The following METTL5 variants were observed in gnomAD, a reference collection of about 807,000 sequenced individuals.
METTL5 encodes the protein methyltransferase 5, N6-adenosine.
A neutral mutation model predicts 26.5 loss-of-function variants in METTL5; 28 were observed. The observed-to-expected ratio is 1.06, with a 90% CI of 0.78 to 1.45. The LOEUF (loss-of-function observed/expected upper bound fraction) is 1.45, where lower values mean the gene tolerates loss of function less well. METTL5 is among the 40% of genes most tolerant of loss of function. The probability of loss-of-function intolerance (pLI) is 0.00; values close to 1 mark genes in which losing one functional copy is unlikely to be tolerated. For missense variants in METTL5, 231 were observed against 249.9 expected, an observed-to-expected ratio of 0.92 and a Z score of 0.51; for synonymous variants, 86 against 82.6, an observed-to-expected ratio of 1.04 and a Z score of -0.22.
chr2:169,812,827 C>G, intron 5 of METTL5: 1 of 193,022 alleles, frequency 5.2e-6, no homozygotes, highest in Non-Finnish European at 1.0e-5. Flanking sequence ...TAGTCTATAG[C>G]TAACTTAATC....
chr2:169,815,747 T>C (rs1433206234), intron 4 of METTL5, among the ~76,000 whole-genome samples: 2 of 152,324 alleles, frequency 1.3e-5, no homozygotes, highest in South Asian at 4.1e-4. Context: ...ATCCAAGTGA[T>C]AGAAAGCTAC....
chr2:169,822,909 C>A (rs1437706860), intron 1 of METTL5, among the ~76,000 whole-genome samples: 1 of 152,188 alleles, frequency 6.6e-6, no homozygotes, highest in Non-Finnish European at 1.5e-5. Flanking sequence ...ATGAATACCA[C>A]CACCACCGAT....
chr2:169,814,525 G>A (rs1378024131), intron 5 of METTL5, among the ~76,000 whole-genome samples: 2 of 148,960 alleles, frequency 1.3e-5, no homozygotes, highest in Non-Finnish European at 3.0e-5. Context: ...TAATGTGGTG[G>A]CATTTTCTAT....
At chr2:169,822,204 G>C (rs2081594822) in intron 1 of METTL5, 147 bp from the exon 2 acceptor site, 15 of 1,214,454 alleles carry the variant, frequency 1.2e-5, no homozygotes, top group Non-Finnish European at 1.1e-6. Context: ...AAAAGATAAG[G>C]GGTAATGATT....
chr2:169,821,411 T>C (rs557444386), intron 2 of METTL5, 138 bp from the exon 3 acceptor site: 43 of 650,300 alleles, frequency 6.6e-5, no homozygotes, highest in Admixed American at 3.1e-4. Flanking sequence ...TTTTCTTCTT[T>C]TTTTTTTTCT....
rs1318214495 is a variant in METTL5, at chr2:169,819,639, T to C, written c.411A>G (p.Thr137=). ...AAGCAGTCTTTAGAAAAGCCATATC[T>C]GTCCCTGTGAAGAGTAGAAAAAAAG... The part of the protein sequence containing the change: ...PPFGTKNNKG[T]DMAFLKTALE... Residue 137 remains threonine, a synonymous_variant, in exon 4 of 7, where the codon ACA becomes ACG. Coordinates refer to ENST00000260953, the MANE Select transcript of METTL5 (RefSeq NM_014168.4). The C allele has an allele frequency of 6.2e-7, 1 of 1,611,440 alleles. No individual in the cohort carries two copies. The highest frequency in any genetic ancestry group is 8.5e-7 in the Non-Finnish European group (1 of 1,178,044).
intron 5 of METTL5, among the ~76,000 whole-genome samples, chr2:169,815,215 T>C (rs1350549411): frequency 3.3e-5 from 5 of 152,198 alleles, no homozygotes; most frequent in African/African-American, 1.2e-4. Flanking sequence ...TTTTAGCCAT[T>C]GTGCTGCTAT....
At chr2:169,818,711 C>T (rs2081543078) in intron 4 of METTL5, among the ~76,000 whole-genome samples, 1 of 152,124 alleles carries the variant, frequency 6.6e-6, no homozygotes, top group African/African-American at 2.4e-5. Flanking sequence ...AAGTATTTTT[C>T]CTACAAAAGC....
chr2:169,821,360 C>G (rs9798444), intron 2 of METTL5, 87 bp from the exon 3 acceptor site: 28,252 of 973,086 alleles, frequency 0.029, 847 homozygotes, highest in African/African-American at 0.13. Context: ...TTTTTTAAAC[C>G]ATATATCTTT....
Position 169,821,137 on chromosome 2 carries a change from C to T in METTL5, c.361G>A (p.Asp121Asn), listed in dbSNP as rs201016378. 2.4e-5 allele frequency: 39 copies of T among 1,609,048 alleles called. No homozygotes were observed. The highest frequency in any genetic ancestry group is 5.1e-5 in the Admixed American group (3 of 59,028). Reference sequence around the variant, plus strand: ...AAGGGAGGATTCATAATTACTGTATCGAATGACTTGGACATTCTGTTAGAT... The same window carrying T: ...AAGGGAGGATTCATAATTACTGTATTGAATGACTTGGACATTCTGTTAGAT... Reference protein sequence around the residue: ...LLSNRMSKSFDTVIMNPPFGT... With the variant: ...LLSNRMSKSFNTVIMNPPFGT... The change falls in exon 3 of 7, where the codon GAT (aspartate) becomes AAT (asparagine). Residue 121 changes from aspartate (D) to asparagine (N), a missense_variant. By Grantham distance (23) the Asp-to-Asn change is conservative. Transcript: ENST00000260953.
At chr2:169,817,660 CA>C (rs576437782) in intron 4 of METTL5, among the ~76,000 whole-genome samples, 223 of 145,546 alleles carry the variant, frequency 1.5e-3, no homozygotes, top group African/African-American at 5.4e-3. Context: ...CAAACTATCA[CA>C]AGGACAGAAA....
intron 3 of METTL5, among the ~76,000 whole-genome samples, 188 bp downstream of exon 3, chr2:169,820,904 T>TGA (rs1422640608): frequency 6.6e-6 from 1 of 151,808 alleles, no homozygotes; most frequent in Non-Finnish European, 1.5e-5. Context: ...TGTGTGTGTG[T>TGA]GTGTGGGTAG....
At position 169,824,552 on chromosome 2, in the gene METTL5, C is replaced by G. The variant is rs2081627410; in HGVS notation, c.46G>C (p.Val16Leu). 6.2e-7 allele frequency: 1 copy of G among 1,614,102 alleles called. No homozygotes were observed. Among genetic ancestry groups the G allele is most frequent in the African/African-American group, 1.3e-5 (1 of 74,948 alleles). ...LKELESRLQQ[V>L]DGFEKPKLLL... The stretch of plus-strand genomic sequence containing the variant: ...AGCTTGGGCTTTTCAAATCCATCCA[C>G]TTGTTGCAGGCGACTCTCTAGTTCC... Residue 16 changes from valine to leucine, a missense_variant, in exon 1 of 7, where the codon GTG (valine) becomes CTG (leucine). Val to Leu is a conservative substitution (Grantham distance 32, BLOSUM62 1). Transcript: ENST00000260953.
intron 5 of METTL5, among the ~76,000 whole-genome samples, chr2:169,815,084 G>C (rs1553483439): frequency 6.6e-6 from 1 of 151,782 alleles, no homozygotes; most frequent in Non-Finnish European, 1.5e-5. Context: ...GTAGAGATGG[G>C]GTTTCACCAT....
At chr2:169,813,258 G>C (rs1349578211) in intron 5 of METTL5, 1 of 151,556 alleles carries the variant, frequency 6.6e-6, no homozygotes, top group Non-Finnish European at 1.5e-5. Context: ...CTCCCAAGTA[G>C]CTGGGATTAC....
chr2:169,823,438 C>A (rs191933062), intron 1 of METTL5, among the ~76,000 whole-genome samples: 1 of 152,316 alleles, frequency 6.6e-6, no homozygotes, highest in South Asian at 2.1e-4. Context: ...TGTAAATACA[C>A]ATGTATTCTC....
intron 5 of METTL5, among the ~76,000 whole-genome samples, chr2:169,814,872 G>A (rs911974416): frequency 2.6e-5 from 4 of 151,290 alleles, no homozygotes; most frequent in Non-Finnish European, 5.9e-5. Flanking sequence ...ACCGCGCCCG[G>A]CCCACTTTTT....
chr2:169,818,216 T>C (rs906900818), intron 4 of METTL5, among the ~76,000 whole-genome samples: 26 of 152,220 alleles, frequency 1.7e-4, no homozygotes, highest in African/African-American at 6.3e-4. Flanking sequence ...GCTTCCCTGG[T>C]TGGCAATGTT....
intron 4 of METTL5, among the ~76,000 whole-genome samples, chr2:169,818,960 C>G (rs2081546257): frequency 6.6e-6 from 1 of 152,142 alleles, no homozygotes; most frequent in African/African-American, 2.4e-5. Flanking sequence ...ACCAAGAAAA[C>G]AGCTGGGAGG....
Sources: gnomAD v4.1 joint callset for allele counts (sites outside exome capture counted in the v4.1 genomes callset) on GRCh38, gnomAD v4.1.1 for gene constraint, MANE v1.5 for transcripts, NCBI Gene and HGNC (gene_info 2026-07-23, HGNC 2026-07-21) for gene names.